KCNK13: variants seen among roughly 807,000 people sequenced by gnomAD.
The protein encoded by KCNK13 is potassium two pore domain channel subfamily K member 13, also known as potassium channel subfamily K member 13.
A neutral mutation model predicts 23.4 loss-of-function variants in KCNK13; 12 were observed. That is an observed-to-expected ratio of 0.51 (90% CI 0.33 to 0.83). KCNK13 has a LOEUF of 0.83. Ranked by LOEUF, KCNK13 falls within the 40% of genes least tolerant of loss-of-function variation. The pLI is 0.02. For synonymous variants in KCNK13, 231 were observed against 229.5 expected, an observed-to-expected ratio of 1.01 and a Z score of -0.06; for missense variants, 463 against 556.3, an observed-to-expected ratio of 0.83 and a Z score of 1.69.
chr14:90,176,325 G>A (rs1890421599), intron 1 of KCNK13, among the ~76,000 whole-genome samples: 1 of 152,090 alleles, frequency 6.6e-6, no homozygotes, highest in Non-Finnish European at 1.5e-5. Flanking sequence ...TTTGAGAGTT[G>A]TGGTTTCATA....
chr14:90,179,629 G>A (rs573166285), intron 1 of KCNK13, among the ~76,000 whole-genome samples: 4 of 152,244 alleles, frequency 2.6e-5, no homozygotes, highest in Admixed American at 6.5e-5. Context: ...CTCATTCGCC[G>A]TTGGTTCTCG....
At chr14:90,137,537 T>C (rs969235621) in intron 1 of KCNK13, among the ~76,000 whole-genome samples, 20 of 152,228 alleles carry the variant, frequency 1.3e-4, no homozygotes, top group Middle Eastern at 6.8e-3. Flanking sequence ...GCCAGACTGG[T>C]CTCAAACTCC....
intron 1 of KCNK13, among the ~76,000 whole-genome samples, chr14:90,065,664 A>G (rs755350122): frequency 1.3e-5 from 2 of 152,218 alleles, no homozygotes; most frequent in Non-Finnish European, 2.9e-5. Flanking sequence ...GGAATTGGTT[A>G]AAAAGCTGTC....
At chr14:90,138,545 T>C (rs1889965047) in intron 1 of KCNK13, among the ~76,000 whole-genome samples, 1 of 152,242 alleles carries the variant, frequency 6.6e-6, no homozygotes, top group African/African-American at 2.4e-5. Flanking sequence ...TCTTTGGCTT[T>C]CATATCAGCA....
At chr14:90,096,143 G>A (rs1889407680) in intron 1 of KCNK13, among the ~76,000 whole-genome samples, 1 of 152,150 alleles carries the variant, frequency 6.6e-6, no homozygotes, top group Non-Finnish European at 1.5e-5. Context: ...CTTGTCCTTT[G>A]GGGTTTTTAT....
At chr14:90,170,996 A>G (rs1339990626) in intron 1 of KCNK13, among the ~76,000 whole-genome samples, 2 of 152,212 alleles carry the variant, frequency 1.3e-5, no homozygotes, top group African/African-American at 4.8e-5. Context: ...AGGCAGAGGC[A>G]GGTTTGCCGG....
intron 1 of KCNK13, among the ~76,000 whole-genome samples, chr14:90,171,788 G>A (rs535680004): frequency 7.2e-4 from 110 of 152,274 alleles, no homozygotes; most frequent in Middle Eastern, 3.4e-3. Flanking sequence ...TGAGCAGAGG[G>A]GTGACTTTGA....
At chr14:90,086,660 G>T (rs1383990997) in intron 1 of KCNK13, among the ~76,000 whole-genome samples, 3 of 152,158 alleles carry the variant, frequency 2.0e-5, no homozygotes, top group African/African-American at 7.2e-5. Context: ...CCCATGCTTG[G>T]TTTGAATGGT....
chr14:90,092,512 G>A (rs938016242), intron 1 of KCNK13, among the ~76,000 whole-genome samples: 2 of 152,224 alleles, frequency 1.3e-5, no homozygotes, highest in African/African-American at 4.8e-5. Flanking sequence ...ATGGAGGACA[G>A]AGGTCAAAGG....
intron 1 of KCNK13, among the ~76,000 whole-genome samples, chr14:90,112,938 G>A (rs1889632784): frequency 2.7e-5 from 4 of 147,658 alleles, no homozygotes; most frequent in Non-Finnish European, 5.9e-5. Flanking sequence ...TTTTGAGACA[G>A]GGTCTTGCTC....
intron 1 of KCNK13, among the ~76,000 whole-genome samples, chr14:90,101,880 G>A (rs1405938028): frequency 6.7e-6 from 1 of 148,960 alleles, no homozygotes; most frequent in Non-Finnish European, 1.5e-5. Context: ...GAAAACCTAT[G>A]GAAATATTTT....
chr14:90,098,952 C>T (rs566730196), intron 1 of KCNK13, among the ~76,000 whole-genome samples: 3 of 152,074 alleles, frequency 2.0e-5, no homozygotes, highest in South Asian at 2.1e-4. Flanking sequence ...ATGGCAGGTG[C>T]CTGTATTCCC....
intron 1 of KCNK13, among the ~76,000 whole-genome samples, chr14:90,068,392 C>T (rs1305316575): frequency 2.0e-5 from 3 of 151,880 alleles, no homozygotes; most frequent in African/African-American, 7.3e-5. Flanking sequence ...GCCAGGAGTT[C>T]GAAACCAGCC....
chr14:90,110,704 A>G (rs539839122), intron 1 of KCNK13, among the ~76,000 whole-genome samples: 18 of 151,728 alleles, frequency 1.2e-4, no homozygotes, highest in Non-Finnish European at 2.1e-4. Context: ...CTTCTGGGGT[A>G]CTTACCAGAT....
chr14:90,107,844 T>C, intron 1 of KCNK13: 2 of 848,148 alleles, frequency 2.4e-6, no homozygotes, highest in African/African-American at 3.3e-5. Context: ...ACTAACAAGA[T>C]TCAAGATTAT....
chr14:90,140,429 G>T (rs1889992041), intron 1 of KCNK13, among the ~76,000 whole-genome samples: 1 of 152,164 alleles, frequency 6.6e-6, no homozygotes, highest in Non-Finnish European at 1.5e-5. Context: ...GCAGTAATTT[G>T]ATACTGGGGG....
intron 1 of KCNK13, among the ~76,000 whole-genome samples, chr14:90,148,053 T>C (rs1890094114): frequency 6.6e-6 from 1 of 152,018 alleles, no homozygotes; most frequent in African/African-American, 2.4e-5. Context: ...GTACAAGCTA[T>C]TCGGGAGGCT....
chr14:90,072,742 A>G (rs570905043), intron 1 of KCNK13, among the ~76,000 whole-genome samples: 1 of 152,344 alleles, frequency 6.6e-6, no homozygotes, highest in African/African-American at 2.4e-5. Flanking sequence ...ATGGACTATT[A>G]GCTTTTTCAC....
At chr14:90,093,207 G>C (rs1328119531) in intron 1 of KCNK13, among the ~76,000 whole-genome samples, 1 of 152,162 alleles carries the variant, frequency 6.6e-6, no homozygotes, top group Non-Finnish European at 1.5e-5. Flanking sequence ...CAGAAAGAGA[G>C]GCAGATCCGC....
Sources: gnomAD v4.1 joint callset for allele counts (sites outside exome capture counted in the v4.1 genomes callset) on GRCh38, gnomAD v4.1.1 for gene constraint, MANE v1.5 for transcripts, NCBI Gene and HGNC (gene_info 2026-07-23, HGNC 2026-07-21) for gene names.